The following VARS1 variants were observed in gnomAD, a reference collection of about 807,000 sequenced individuals.
VARS1 encodes valine--tRNA ligase.
In VARS1, 92 loss-of-function variants were observed where a neutral mutation model predicts 161.0. The ratio of observed to expected loss-of-function variants is 0.57; its 90% CI spans 0.48 to 0.68. The LOEUF (loss-of-function observed/expected upper bound fraction) is 0.68, where lower values mean the gene tolerates loss of function less well. VARS1 is among the 30% of genes least tolerant of loss of function. The pLI, the probability that VARS1 is intolerant of heterozygous loss-of-function variation, is 0.00. For missense variants in VARS1, 1,338 were observed against 1,695.9 expected, an observed-to-expected ratio of 0.79 and a Z score of 3.71; for synonymous variants, 595 against 682.5, an observed-to-expected ratio of 0.87 and a Z score of 2.00.
Position 31,791,809 on chromosome 6 carries a change from T to C in VARS1, c.972+62A>G. 2 of 1,612,808 alleles carry C rather than the reference T, an allele frequency of 1.2e-6. No homozygotes were observed. The highest frequency in any genetic ancestry group is 1.7e-6 in the Non-Finnish European group (2 of 1,179,928). On this transcript the variant is annotated intron_variant, in intron 7 of 29. Coordinates refer to ENST00000375663, the MANE Select transcript of VARS1 (RefSeq NM_006295.3). The surrounding 1 kb of genome is among the most constrained non-coding windows in gnomAD (Gnocchi z 5.0). ...CTCCCAGCCCCTCCCAGGCAACACA[T>C]CCTTCAGTCCTGCCCTTCCCCACCC...
chr6:31,785,624 G>C lies in VARS1; in HGVS notation c.1210C>G (p.Arg404Gly). ...KKLWREQGLS[R>G]HQLGREAFLQ... ...AAGGCCTCGCGGCCCAGCTGGTGCC[G>C]GCTCAGTCCCTGCTCACGCCATAGC... The change falls in exon 9 of 30, where the codon CGG becomes GGG. Residue 404 changes from arginine to glycine, a missense_variant. Arg to Gly is a moderately radical substitution (Grantham distance 125, BLOSUM62 -2). Coordinates refer to ENST00000375663, the MANE Select transcript of VARS1 (RefSeq NM_006295.3). This position sits in a 1 kb window ranked among gnomAD's most constrained non-coding sequence, Gnocchi z 6.1. 6.2e-7 allele frequency: 1 copy of C among 1,612,894 alleles called. No individual in the cohort carries two copies. Among genetic ancestry groups the C allele is most frequent in the Non-Finnish European group, 8.5e-7 (1 of 1,179,982 alleles).
chr6:31,780,310 C>A lies in VARS1; in HGVS notation c.2925+131G>T, dbSNP rs540729725. 434 of 1,515,354 alleles carry A rather than the reference C, an allele frequency of 2.9e-4. No individual in the cohort carries two copies. The African/African-American group carries it at 5.0e-3, about 17-fold the overall frequency. The allele number at this position is 1,515,354 out of a possible 1,614,324, so 93.9% of individuals were successfully genotyped here. ...GGAAGAAGTGACAGGCCCCAGCCCCCAATGCGCTGGGCTTTCCCTTTAACT... is the reference window on the plus strand; with the variant it reads ...GGAAGAAGTGACAGGCCCCAGCCCCAAATGCGCTGGGCTTTCCCTTTAACT... On this transcript the variant is annotated intron_variant, in intron 25 of 29. Transcript: ENST00000375663. This position sits in a 1 kb window ranked among gnomAD's most constrained non-coding sequence, Gnocchi z 5.1.
In VARS1 at chr6:31,778,913, G is replaced by A. The variant is rs1581629057; in HGVS notation, c.3726+54C>T. 1.9e-6 allele frequency: 3 copies of A among 1,609,284 alleles called. No homozygotes were observed. Among genetic ancestry groups the A allele is most frequent in the Non-Finnish European group, 2.5e-6 (3 of 1,177,010 alleles). ...ACTGCACTCGGACCAGCCCAGACCA[G>A]GGTTTTGATGGAGGAAGGGGATGGT... On this transcript the variant is annotated intron_variant, in intron 29 of 29. Coordinates refer to ENST00000375663, the MANE Select transcript of VARS1 (RefSeq NM_006295.3). This position sits in a 1 kb window ranked among gnomAD's most constrained non-coding sequence, Gnocchi z 5.1.
chr6:31,783,301 T>TG, intron 13 of VARS1, 115 bp from the exon 14 acceptor site: 1 of 1,061,916 alleles, frequency 9.4e-7, no homozygotes, highest in Non-Finnish European at 1.4e-6. Context: ...GGCCGGGAGT[T>TG]GGAGACCAGC....
Position 31,780,375 on chromosome 6 carries a change from G to C in VARS1, c.2925+66C>G. 2 of 1,570,898 alleles carry C rather than the reference G, an allele frequency of 1.3e-6. No homozygotes were observed. Among genetic ancestry groups the C allele is most frequent in the Non-Finnish European group, 1.7e-6 (2 of 1,157,880 alleles). On this transcript the variant is annotated intron_variant, in intron 25 of 29. Transcript: ENST00000375663. This position sits in a 1 kb window ranked among gnomAD's most constrained non-coding sequence, Gnocchi z 5.1. Reference sequence around the variant, plus strand: ...CTATCTGTCCCCCCAGCTACATGGAGGCTGCTCCGGACAGGGGTACAGCCT... The same window carrying C: ...CTATCTGTCCCCCCAGCTACATGGACGCTGCTCCGGACAGGGGTACAGCCT...
intron 8 of VARS1, among the ~76,000 whole-genome samples, chr6:31,786,344 T>G (rs1813504165): frequency 6.6e-6 from 1 of 151,176 alleles, no homozygotes; most frequent in African/African-American, 2.4e-5. Flanking sequence ...GAGAAAAGAT[T>G]TGAAGGAAGA....
chr6:31,787,649 A>T (rs1813588911), intron 8 of VARS1, among the ~76,000 whole-genome samples: 1 of 137,816 alleles, frequency 7.3e-6, no homozygotes, highest in Non-Finnish European at 1.6e-5. Context: ...TGTCTCAATT[A>T]AAAAAAAAAA....
intron 4 of VARS1, 118 bp from the exon 5 acceptor site, chr6:31,792,634 CT>C (rs1813956847): frequency 6.9e-6 from 11 of 1,590,726 alleles, no homozygotes; most frequent in African/African-American, 1.3e-5. Flanking sequence ...GACCTCCCCC[CT>C]CTCCCTCCTC....
chr6:31,784,087 G>T lies in VARS1; in HGVS notation c.1671+127C>A. 2 of 1,026,944 alleles carry T rather than the reference G, an allele frequency of 1.9e-6. No individual in the cohort carries two copies. The highest frequency in any genetic ancestry group is 1.5e-6 in the Non-Finnish European group (1 of 681,016). The allele number at this position is 1,026,944 out of a possible 1,614,324, so 63.6% of individuals were successfully genotyped here. ...CTCTACCCTCAGAGCTGGGAAAGAA[G>T]CTGAAGACCAGTTTCTAACCCAGTT... On this transcript the variant is annotated intron_variant, in intron 13 of 29. Coordinates refer to ENST00000375663, the MANE Select transcript of VARS1 (RefSeq NM_006295.3). This position sits in a 1 kb window ranked among gnomAD's most constrained non-coding sequence, Gnocchi z 6.1.
chr6:31,785,817 T>G lies in VARS1; in HGVS notation c.1101-84A>C, dbSNP rs1813463520. On this transcript the variant is annotated intron_variant, in intron 8 of 29. Coordinates refer to ENST00000375663, the MANE Select transcript of VARS1 (RefSeq NM_006295.3). This position sits in a 1 kb window ranked among gnomAD's most constrained non-coding sequence, Gnocchi z 6.1. ...GAAAGCAGAGGCTTCAGGCAAGGAG[T>G]CAGTGGACTAAATAAAGAAGCAGGG... is the stretch of plus-strand genomic sequence containing the variant. 1 of 1,491,342 alleles carries G rather than the reference T, an allele frequency of 6.7e-7. No homozygotes were observed. Among genetic ancestry groups the G allele is most frequent in the Non-Finnish European group, 8.9e-7 (1 of 1,124,314 alleles). The allele number at this position is 1,491,342 out of a possible 1,614,324, so 92.4% of individuals were successfully genotyped here. A position where few individuals can be genotyped will look rare whatever the true frequency, so the allele number is the denominator to read the frequency against.
chr6:31,792,179 G>A (rs1209809649), intron 6 of VARS1, 38 bp downstream of exon 6: 92 of 1,605,628 alleles, frequency 5.7e-5, no homozygotes, highest in Non-Finnish European at 7.3e-5. Flanking sequence ...AACTTAGAAG[G>A]GGCTGCTGAG....
chr6:31,788,389 A>C (rs949184608), intron 8 of VARS1, among the ~76,000 whole-genome samples: 1 of 151,498 alleles, frequency 6.6e-6, no homozygotes, highest in East Asian at 2.0e-4. Flanking sequence ...AATCCCAGCT[A>C]CTCAGAAGGC....
At position 31,780,804 on chromosome 6, in the gene VARS1, G is replaced by A. The variant is rs370828243; in HGVS notation, c.2719-21C>T. On this transcript the variant is annotated intron_variant, in intron 23 of 29. Coordinates refer to ENST00000375663, the MANE Select transcript of VARS1 (RefSeq NM_006295.3). This position sits in a 1 kb window ranked among gnomAD's most constrained non-coding sequence, Gnocchi z 5.1. ...GCTTTCTACAGGGAAGAGGCAGGGG[G>A]AGGAGCGTCCTCAGCCAGCCCCATC... The A allele has an allele frequency of 1.2e-6, 2 of 1,614,174 alleles. No homozygotes were observed. The highest frequency in any genetic ancestry group is 1.7e-6 in the Non-Finnish European group (2 of 1,180,014).
intron 8 of VARS1, among the ~76,000 whole-genome samples, chr6:31,787,648 TA>T (rs1039108648): frequency 1.3e-3 from 175 of 133,752 alleles, no homozygotes; most frequent in Non-Finnish European, 1.1e-3. Flanking sequence ...CTGTCTCAAT[TA>T]AAAAAAAAAA....
In VARS1 at chr6:31,784,167, G is replaced by A. The variant is rs1303213532; in HGVS notation, c.1671+47C>T. On this transcript the variant is annotated intron_variant, in intron 13 of 29. Transcript: ENST00000375663. This position sits in a 1 kb window ranked among gnomAD's most constrained non-coding sequence, Gnocchi z 6.1. ...ACCCCTCCACCCCATAAGGATGGGA[G>A]CCCTTTTTGGCCAGAACTCCTTCCC... The A allele has an allele frequency of 1.9e-6, 3 of 1,608,756 alleles. No individual in the cohort carries two copies. Among genetic ancestry groups the A allele is most frequent in the Non-Finnish European group, 1.7e-6 (2 of 1,175,788 alleles).
Position 31,781,148 on chromosome 6 carries a change from T to C in VARS1, c.2545-25A>G. On this transcript the variant is annotated intron_variant, in intron 21 of 29. Coordinates refer to ENST00000375663, the MANE Select transcript of VARS1 (RefSeq NM_006295.3). The surrounding 1 kb of genome is among the most constrained non-coding windows in gnomAD (Gnocchi z 6.8). ...CCTGCAGAGCAGGTGGGGAGGCCCATGAGACTCAGTCCTCTCCTTCCCCGG... is the reference window on the plus strand; with the variant it reads ...CCTGCAGAGCAGGTGGGGAGGCCCACGAGACTCAGTCCTCTCCTTCCCCGG... 1 of 1,610,712 alleles carries C rather than the reference T, an allele frequency of 6.2e-7. No homozygotes were observed. Among genetic ancestry groups the C allele is most frequent in the Non-Finnish European group, 8.5e-7 (1 of 1,178,880 alleles).
intron 8 of VARS1, among the ~76,000 whole-genome samples, chr6:31,787,747 CAGG>C (rs1016328726): frequency 4.6e-5 from 7 of 151,850 alleles, no homozygotes; most frequent in African/African-American, 1.7e-4. Flanking sequence ...GAGACTGAGG[CAGG>C]AGGATTGCTT....
chr6:31,783,109 C>A lies in VARS1; in HGVS notation c.1749G>T (p.Met583Ile), dbSNP rs745899593. Reference sequence around the variant, plus strand: ...CCCCTTGCCCACCTGTGCCAAAGTCCATGTCCACAAATTCATCGAAGACAA... The same window carrying A: ...CCCCTTGCCCACCTGTGCCAAAGTCAATGTCCACAAATTCATCGAAGACAA... ...LPIVFDEFVD[M>I]DFGTGAVKIT... Residue 583 changes from methionine (M) to isoleucine (I), a missense_variant, in exon 14 of 30, where the codon ATG becomes ATT. Transcript: ENST00000375663. 1 of 1,612,648 alleles carries A rather than the reference C, an allele frequency of 6.2e-7. No individual in the cohort carries two copies. Among genetic ancestry groups the A allele is most frequent in the East Asian group, 2.2e-5 (1 of 44,890 alleles).
rs1234630963 is a variant in VARS1 at position 31,791,126 on chromosome 6, G to A, written c.1100+484C>T. Among the ~76,000 whole-genome samples, 1 of 151,856 alleles carries A rather than the reference G, an allele frequency of 6.6e-6. No individual in the cohort carries two copies. The highest frequency in any genetic ancestry group is 1.5e-5 in the Non-Finnish European group (1 of 67,990). ...AGATGGCGTCACTGCACTCCGGCCT[G>A]GGCAACAGAACAAGACTCTGTCCCC... On this transcript the variant is annotated intron_variant, in intron 8 of 29. Transcript: ENST00000375663. The surrounding 1 kb of genome is among the most constrained non-coding windows in gnomAD (Gnocchi z 5.0).
Sources: allele counts gnomAD v4.1 joint callset (sites outside exome capture counted in the v4.1 genomes callset), GRCh38; gene constraint gnomAD v4.1.1; non-coding constraint Gnocchi (gnomAD v3.1); transcripts MANE v1.5; gene names NCBI Gene and HGNC (gene_info 2026-07-23, HGNC 2026-07-21).